The following ZEB1 variants were observed in gnomAD, a reference collection of about 807,000 sequenced individuals.
ZEB1 encodes zinc finger E-box binding homeobox 1, also known as zinc finger E-box-binding homeobox 1.
Under a neutral mutation model 84.9 loss-of-function variants are expected in ZEB1, and 21 were observed. The ratio of observed to expected loss-of-function variants is 0.25; its 90% confidence interval spans 0.18 to 0.36. ZEB1 has a LOEUF of 0.36. ZEB1 is among the 10% of genes least tolerant of loss of function. ZEB1 has a pLI of 1.00. For synonymous variants in ZEB1, 420 were observed against 471.1 expected, an observed-to-expected ratio of 0.89 and a Z score of 1.41; for missense variants, 1,104 against 1,330.2, an observed-to-expected ratio of 0.83 and a Z score of 2.65.
chr10:31,513,089 G>A (rs2070402024), intron 5 of ZEB1, among the ~76,000 whole-genome samples: 1 of 152,130 alleles, frequency 6.6e-6, no homozygotes, highest in Non-Finnish European at 1.5e-5. Context: ...TTATTTTTAG[G>A]GGAACACTGA....
intron 1 of ZEB1, chr10:31,373,164 G>A (rs891749602): frequency 2.0e-6 from 2 of 984,866 alleles, no homozygotes; most frequent in African/African-American, 1.8e-5. Context: ...CTATCAAAAG[G>A]AAGTCAATGG....
At chr10:31,402,009 AG>A (rs2052119510) in intron 1 of ZEB1, among the ~76,000 whole-genome samples, 1 of 151,982 alleles carries the variant, frequency 6.6e-6, no homozygotes, top group Non-Finnish European at 1.5e-5. Flanking sequence ...AAACCTGCAA[AG>A]GGAGTTTGTA....
intron 1 of ZEB1, among the ~76,000 whole-genome samples, chr10:31,362,361 T>C (rs1402778223): frequency 3.4e-5 from 2 of 58,536 alleles, no homozygotes; most frequent in African/African-American, 6.8e-5. Flanking sequence ...CTTCCCAGAG[T>C]GTAGGGGGGC....
At chr10:31,403,865 A>G (rs1488823651) in intron 1 of ZEB1, among the ~76,000 whole-genome samples, 3 of 152,090 alleles carry the variant, frequency 2.0e-5, no homozygotes, top group African/African-American at 4.8e-5. Flanking sequence ...TGCTAATTAT[A>G]TGGTAAAACT....
chr10:31,387,130 C>G (rs1011819717), intron 1 of ZEB1: 3 of 985,764 alleles, frequency 3.0e-6, no homozygotes, highest in African/African-American at 1.7e-5. Context: ...TTAGGACAAC[C>G]TTAAACTTCC....
intron 1 of ZEB1, among the ~76,000 whole-genome samples, chr10:31,323,255 C>T (rs908365328): frequency 6.6e-6 from 1 of 151,812 alleles, no homozygotes; most frequent in Non-Finnish European, 1.5e-5. Context: ...TTTAATCACC[C>T]CTTTTTAAAA....
intron 2 of ZEB1, among the ~76,000 whole-genome samples, chr10:31,494,257 C>T (rs1004048143): frequency 2.0e-5 from 3 of 151,900 alleles, no homozygotes; most frequent in African/African-American, 7.2e-5. Context: ...AAACACTTTA[C>T]CAAGAATTTT....
intron 7 of ZEB1, 151 bp downstream of exon 7, chr10:31,522,087 C>A: frequency 8.1e-7 from 1 of 1,239,962 alleles, no homozygotes; most frequent in Non-Finnish European, 1.1e-6. Context: ...TTTAACTTTT[C>A]TGGCATGATG....
At chr10:31,434,473 A>C (rs1191699979) in intron 1 of ZEB1, among the ~76,000 whole-genome samples, 2 of 152,250 alleles carry the variant, frequency 1.3e-5, no homozygotes, top group Admixed American at 1.3e-4. Context: ...AAATTCATTA[A>C]ATAAACATAT....
chr10:31,488,203 G>A (rs560748703), intron 2 of ZEB1, among the ~76,000 whole-genome samples: 1 of 151,244 alleles, frequency 6.6e-6, no homozygotes, highest in South Asian at 2.1e-4. Context: ...TGGTCCTGGA[G>A]TTTTGTTTTG....
At chr10:31,415,476 C>A (rs1036552362) in intron 1 of ZEB1, among the ~76,000 whole-genome samples, 4 of 151,700 alleles carry the variant, frequency 2.6e-5, no homozygotes, top group Non-Finnish European at 4.4e-5. Flanking sequence ...CGACCATGTT[C>A]GTTTTCTAAT....
At chr10:31,325,725 C>T (rs529280805) in intron 1 of ZEB1, among the ~76,000 whole-genome samples, 2 of 151,692 alleles carry the variant, frequency 1.3e-5, no homozygotes, top group Non-Finnish European at 2.9e-5. Context: ...ATGTTAATTT[C>T]TTTTTATTGT....
chr10:31,408,190 A>T (rs1359157532), intron 1 of ZEB1, among the ~76,000 whole-genome samples: 1 of 150,988 alleles, frequency 6.6e-6, no homozygotes, highest in Non-Finnish European at 1.5e-5. Flanking sequence ...CTTACAAGGG[A>T]TGTGAAGGAC....
intron 1 of ZEB1, among the ~76,000 whole-genome samples, chr10:31,332,964 C>A (rs915409642): frequency 5.3e-5 from 8 of 152,250 alleles, no homozygotes; most frequent in South Asian, 4.1e-4. Flanking sequence ...ACATGCTTAA[C>A]CTGCCTATGT....
chr10:31,473,364 C>G (rs2063563284), intron 2 of ZEB1, among the ~76,000 whole-genome samples: 1 of 150,692 alleles, frequency 6.6e-6, no homozygotes, highest in African/African-American at 2.4e-5. Context: ...AGCAAAGTCT[C>G]AGGATACAAA....
intron 1 of ZEB1, among the ~76,000 whole-genome samples, chr10:31,390,321 G>A (rs947860568): frequency 2.6e-4 from 39 of 152,058 alleles, no homozygotes; most frequent in African/African-American, 7.2e-4. Context: ...CTTTCTCTGC[G>A]CAGGATTTTA....
At chr10:31,345,773 A>G (rs2040195512) in intron 1 of ZEB1, among the ~76,000 whole-genome samples, 1 of 152,180 alleles carries the variant, frequency 6.6e-6, no homozygotes. Flanking sequence ...GGTATTGAAA[A>G]TGCTAGGAGA....
At chr10:31,471,164 A>G (rs930581023) in intron 2 of ZEB1, among the ~76,000 whole-genome samples, 26 of 126,792 alleles carry the variant, frequency 2.1e-4, no homozygotes, top group Non-Finnish European at 4.3e-4. Context: ...ACTAACGAGC[A>G]AAATCACCTG....
chr10:31,429,377 T>G (rs79783815), intron 1 of ZEB1, among the ~76,000 whole-genome samples: 1,808 of 152,272 alleles, frequency 0.012, 12 homozygotes, highest in Non-Finnish European at 0.019. Flanking sequence ...ATGTTGAATA[T>G]TGACTCCCAA....
Sources: allele counts gnomAD v4.1 joint callset (sites outside exome capture counted in the v4.1 genomes callset), GRCh38; gene constraint gnomAD v4.1.1; transcripts MANE v1.5; gene names NCBI Gene and HGNC (gene_info 2026-07-23, HGNC 2026-07-21).